PIEZO2: variants seen among roughly 807,000 people sequenced by gnomAD.
PIEZO2 encodes piezo-type mechanosensitive ion channel component 2.
Under a neutral mutation model 337.3 loss-of-function variants are expected in PIEZO2, and 172 were observed. That is an observed-to-expected ratio of 0.51 (90% CI 0.45 to 0.58). The LOEUF is 0.58. Ranked by LOEUF, PIEZO2 falls within the 20% of genes least tolerant of loss-of-function variation. The pLI is 0.00. For missense variants in PIEZO2, 3,028 were observed against 3,391.3 expected (o/e 0.89, Z 2.66); for synonymous variants, 1,251 against 1,228.5 (o/e 1.02, Z -0.38).
In PIEZO2 at chr18:11,127,802, C is replaced by T. The variant is rs12604646; in HGVS notation, c.64+20723G>A. Among the ~76,000 whole-genome samples the T allele has an allele frequency of 3.7e-4, 9 of 24,518 alleles. No homozygotes were observed. The highest frequency in any genetic ancestry group is 2.3e-3 in the African/African-American group (9 of 3,886). The allele number at this position is 24,518 out of a possible 152,430, so 16.1% of individuals were successfully genotyped here. ...ATGCATATACGTGTGTGTGTGTGTG[C>T]ATGTGTGTGTGTGTGTGTGTGTGTA... On this transcript the variant is annotated intron_variant, in intron 1 of 55. Transcript: ENST00000674853. The surrounding 1 kb of genome is among the most constrained non-coding windows in gnomAD (Gnocchi z 4.5).
At chr18:10,804,031 G>A (rs1438732454) in intron 8 of PIEZO2, 37 bp from the exon 9 acceptor site, 1 of 1,535,628 alleles carries the variant, frequency 6.5e-7, no homozygotes, top group African/African-American at 1.4e-5. Context: ...TGCTTCCTGA[G>A]GCAGTTCCCT....
chr18:10,933,865 G>C (rs1398847509), intron 3 of PIEZO2, among the ~76,000 whole-genome samples: 1 of 152,226 alleles, frequency 6.6e-6, no homozygotes, highest in East Asian at 1.9e-4. Context: ...GTTTTACAAA[G>C]GGGAGTTCCC....
chr18:10,673,978 C>T lies in PIEZO2; in HGVS notation c.8162-1105G>A, dbSNP rs2033887260. ...GATTTGTGTTGGGCCACATTCAACA[C>T]TGTCCTAGGCCACATGCAGCCCATG... On this transcript the variant is annotated intron_variant, in intron 54 of 55. Coordinates refer to ENST00000674853, the MANE Select transcript of PIEZO2 (RefSeq NM_001378183.1). This position sits in a 1 kb window ranked among gnomAD's most constrained non-coding sequence, Gnocchi z 4.8. Among the ~76,000 whole-genome samples the T allele has an allele frequency of 6.6e-6, 1 of 152,206 alleles. No individual in the cohort carries two copies. Among genetic ancestry groups the T allele is most frequent in the Non-Finnish European group, 1.5e-5 (1 of 68,044 alleles).
rs768839881 is a variant in PIEZO2 at position 11,096,321 on chromosome 18, T to A, written c.65-30099A>T. On this transcript the variant is annotated intron_variant, in intron 1 of 55. Transcript: ENST00000674853. The surrounding 1 kb of genome is among the most constrained non-coding windows in gnomAD (Gnocchi z 4.6). ...TGTCCTGCTACCAAATACCATTTCA[T>A]TGGCTTCTGTGATAATTTGCTTGGC... is the stretch of plus-strand genomic sequence containing the variant. Among the ~76,000 whole-genome samples, 10 of 152,348 alleles carry A rather than the reference T, an allele frequency of 6.6e-5. No individual in the cohort carries two copies. Among genetic ancestry groups the A allele is most frequent in the Admixed American group, 2.0e-4 (3 of 15,300 alleles).
In PIEZO2 at chr18:10,885,056, G is replaced by C. The variant is rs868039914; in HGVS notation, c.330-13641C>G. ...GTATAGGCCTGTGTATCTTAGGAGA[G>C]GCTGATATGGAAGAAAATACATTCC... On this transcript the variant is annotated intron_variant, in intron 4 of 55. Transcript: ENST00000674853. Among the ~76,000 whole-genome samples, 12 of 152,182 alleles carry C rather than the reference G, an allele frequency of 7.9e-5. 1 individual carries two copies. The Middle Eastern group carries it at 0.01, about 129-fold the overall frequency.
At chr18:10,788,850 G>A (rs2039317421) in intron 15 of PIEZO2, among the ~76,000 whole-genome samples, 1 of 152,228 alleles carries the variant, frequency 6.6e-6, no homozygotes, top group South Asian at 2.1e-4. Flanking sequence ...CTCCCAAAGT[G>A]CTGAAATTAC....
In PIEZO2 at chr18:10,894,088, C is replaced by T. The variant is rs950411535; in HGVS notation, c.329+17098G>A. On this transcript the variant is annotated intron_variant, in intron 4 of 55. Transcript: ENST00000674853. This position sits in a 1 kb window ranked among gnomAD's most constrained non-coding sequence, Gnocchi z 4.1. ...GTCTCCGTATAGATAGAAAGACACC[C>T]GAAACTGGTGATCAGCAGCTTCCTG... 2.6e-5 allele frequency among the ~76,000 whole-genome samples: 4 copies of T among 152,122 alleles called. No individual in the cohort carries two copies. The highest frequency in any genetic ancestry group is 9.7e-5 in the African/African-American group (4 of 41,436).
intron 3 of PIEZO2, among the ~76,000 whole-genome samples, chr18:10,916,894 G>A (rs1223978045): frequency 1.3e-5 from 2 of 152,114 alleles, no homozygotes; most frequent in African/African-American, 4.8e-5. Context: ...CCTATCATGT[G>A]TCTCCTGCCT....
chr18:10,787,125 GTAAA>G lies in PIEZO2; in HGVS notation c.2225_2228del (p.Ile742ThrfsTer24). 6.5e-7 allele frequency: 1 copy of G among 1,535,492 alleles called. No homozygotes were observed. The highest frequency in any genetic ancestry group is 8.7e-7 in the Non-Finnish European group (1 of 1,146,044). Reference sequence around the variant, plus strand: ...ATATAAAGATAAGCACCAGCATAGTGTAAATAACCACTGACATCCAAAAATATTT... The same window carrying G: ...ATATAAAGATAAGCACCAGCATAGTGTAACCACTGACATCCAAAAATATTT... On this transcript the variant is annotated frameshift_variant, in exon 16 of 56. Coordinates refer to ENST00000674853, the MANE Select transcript of PIEZO2 (RefSeq NM_001378183.1). LOFTEE classifies it high-confidence loss of function.
intron 3 of PIEZO2, among the ~76,000 whole-genome samples, chr18:10,931,054 CTG>C (rs1568210943): frequency 6.6e-6 from 1 of 152,064 alleles, no homozygotes; most frequent in Non-Finnish European, 1.5e-5. Context: ...TGACATGTAA[CTG>C]TATTAGGTGC....
At chr18:10,992,623 T>C (rs1051045219) in intron 2 of PIEZO2, among the ~76,000 whole-genome samples, 2 of 152,206 alleles carry the variant, frequency 1.3e-5, no homozygotes, top group African/African-American at 4.8e-5. Flanking sequence ...CTGTTTTGGT[T>C]GTTGTAGCCT....
In PIEZO2 at chr18:10,824,093, A is replaced by T. The variant is rs1221259582; in HGVS notation, c.918-16819T>A. Among the ~76,000 whole-genome samples the T allele has an allele frequency of 1.3e-5, 2 of 152,226 alleles. No individual in the cohort carries two copies. Among genetic ancestry groups the T allele is most frequent in the East Asian group, 3.8e-4 (2 of 5,200 alleles). ...CCCATAAATAATACATACAATTGTT[A>T]TATGAATTTAACCCTATATATATAT... On this transcript the variant is annotated intron_variant, in intron 7 of 55. Transcript: ENST00000674853. This position sits in a 1 kb window ranked among gnomAD's most constrained non-coding sequence, Gnocchi z 4.4.
intron 1 of PIEZO2, among the ~76,000 whole-genome samples, chr18:11,115,231 A>G (rs1186621343): frequency 6.6e-6 from 1 of 152,236 alleles, no homozygotes; most frequent in Non-Finnish European, 1.5e-5. Context: ...GGATAAATAA[A>G]TATGTTCATT....
intron 2 of PIEZO2, among the ~76,000 whole-genome samples, chr18:11,020,105 T>A (rs1568301874): frequency 6.6e-6 from 1 of 152,228 alleles, no homozygotes; most frequent in African/African-American, 2.4e-5. Flanking sequence ...TTTAAAAGTT[T>A]GGGATCTGGG....
At chr18:10,974,027 T>A (rs2145452599) in intron 3 of PIEZO2, among the ~76,000 whole-genome samples, 1 of 152,228 alleles carries the variant, frequency 6.6e-6, no homozygotes, top group Non-Finnish European at 1.5e-5. Context: ...GGGGTGAAGT[T>A]TACAGCTTTG....
intron 18 of PIEZO2, among the ~76,000 whole-genome samples, chr18:10,779,136 C>T (rs2038893253): frequency 6.6e-6 from 1 of 152,152 alleles, no homozygotes; most frequent in African/African-American, 2.4e-5. Context: ...TCGTTCATTC[C>T]TCCTCCCTCA....
Position 10,773,983 on chromosome 18 carries a change from C to T in PIEZO2, c.2567+23G>A. 1 of 703,012 alleles carries T rather than the reference C, an allele frequency of 1.4e-6. No homozygotes were observed. Among genetic ancestry groups the T allele is most frequent in the Non-Finnish European group, 2.6e-6 (1 of 384,986 alleles). 43.5% of individuals were successfully genotyped at this position (703,012 alleles called of 1,614,324 possible). ...ATGGCATCATGTAGAGCAAGCATTT[C>T]ATGGCTTCACAGGGGGACTTACTCA... On this transcript the variant is annotated intron_variant, in intron 19 of 55. Transcript: ENST00000674853. This position sits in a 1 kb window ranked among gnomAD's most constrained non-coding sequence, Gnocchi z 5.3.
intron 3 of PIEZO2, among the ~76,000 whole-genome samples, chr18:10,977,301 C>CATATATAT (rs111865766): frequency 1.3e-4 from 19 of 145,722 alleles, no homozygotes; most frequent in African/African-American, 4.7e-4. Context: ...GAATAAGTTA[C>CATATATAT]ATATATATAT....
chr18:11,035,467 T>C lies in PIEZO2; in HGVS notation c.160+30660A>G, dbSNP rs1375023361. On this transcript the variant is annotated intron_variant, in intron 2 of 55. Transcript: ENST00000674853. This position sits in a 1 kb window ranked among gnomAD's most constrained non-coding sequence, Gnocchi z 4.3. ...CGTGCTTGCACAGCCTGCAGGACCA[T>C]GAGTTAAATAAACCTGTTTCCTTTA... is the stretch of plus-strand genomic sequence containing the variant. Among the ~76,000 whole-genome samples the C allele has an allele frequency of 6.6e-6, 1 of 152,162 alleles. No homozygotes were observed. Among genetic ancestry groups the C allele is most frequent in the Admixed American group, 6.5e-5 (1 of 15,272 alleles).
Sources: gnomAD v4.1 joint callset for allele counts (sites outside exome capture counted in the v4.1 genomes callset) on GRCh38, gnomAD v4.1.1 for gene constraint, Gnocchi (gnomAD v3.1) non-coding constraint, MANE v1.5 for transcripts, NCBI Gene and HGNC (gene_info 2026-07-23, HGNC 2026-07-21) for gene names.